Variants in SLC16A12 observed in about 807,000 individuals in gnomAD.
The protein encoded by SLC16A12 is solute carrier family 16 member 12, also known as monocarboxylate transporter 12.
A neutral mutation model predicts 42.4 loss-of-function variants in SLC16A12; 17 were observed. That is an observed-to-expected ratio of 0.40 (90% CI 0.27 to 0.60). The LOEUF (loss-of-function observed/expected upper bound fraction) is 0.60. SLC16A12 is among the 20% of genes least tolerant of loss of function. The pLI is 0.42. For missense variants in SLC16A12, 544 were observed against 623.0 expected (o/e 0.87, Z 1.35); for synonymous variants, 224 against 229.4 (o/e 0.98, Z 0.21).
chr10:89,539,913 T>C (rs140771896), upstream of SLC16A12, among the ~76,000 whole-genome samples: 19 of 40,546 alleles, frequency 4.7e-4, no homozygotes, highest in African/African-American at 1.2e-3. Context: ...TTCTTTCTTT[T>C]TTCTTTTTTT....
At chr10:89,519,268 T>C (rs1843309015) in intron 2 of SLC16A12, among the ~76,000 whole-genome samples, 1 of 135,062 alleles carries the variant, frequency 7.4e-6, no homozygotes, top group African/African-American at 2.6e-5. Flanking sequence ...ACGCATCGGG[T>C]ACTATCCTCA....
chr10:89,430,894 T>G lies in SLC16A12; in HGVS notation c.*2170A>C, dbSNP rs183698106. Reference sequence around the variant, plus strand: ...TAAGAATATTTGTAACTATTCATATTTTTAAACATCTTTAGGCTTGAAAAT... The same window carrying G: ...TAAGAATATTTGTAACTATTCATATGTTTAAACATCTTTAGGCTTGAAAAT... On this transcript the variant is annotated 3_prime_UTR_variant, in exon 8 of 8. Transcript: ENST00000371790. 8.7e-6 allele frequency: 3 copies of G among 345,358 alleles called. No homozygotes were observed. The highest frequency in any genetic ancestry group is 7.0e-5 in the South Asian group (3 of 42,812). 21.4% of individuals were successfully genotyped at this position (345,358 alleles called of 1,614,324 possible).
intron 2 of SLC16A12, among the ~76,000 whole-genome samples, chr10:89,522,199 G>T (rs116468571): frequency 1.3e-5 from 2 of 152,306 alleles, no homozygotes; most frequent in African/African-American, 4.8e-5. Flanking sequence ...GAAATCTAGA[G>T]TTGTATTGAG....
At chr10:89,504,344 A>G (rs776223165) in intron 2 of SLC16A12, among the ~76,000 whole-genome samples, 4 of 152,198 alleles carry the variant, frequency 2.6e-5, no homozygotes, top group Non-Finnish European at 4.4e-5. Context: ...GCCTTTCCTT[A>G]TTACCTGTTC....
chr10:89,489,415 C>T (rs1432735775), intron 2 of SLC16A12, among the ~76,000 whole-genome samples: 2 of 152,150 alleles, frequency 1.3e-5, no homozygotes, highest in Non-Finnish European at 2.9e-5. Flanking sequence ...TCTAGGCTCA[C>T]TGCAACCTCT....
At chr10:89,468,508 T>C (rs547162255) in intron 2 of SLC16A12, among the ~76,000 whole-genome samples, 26 of 152,342 alleles carry the variant, frequency 1.7e-4, no homozygotes, top group African/African-American at 6.0e-4. Flanking sequence ...TATTGGCGTT[T>C]CTGTCAACAA....
chr10:89,447,798 C>T (rs1459968450), intron 3 of SLC16A12, among the ~76,000 whole-genome samples: 1 of 151,910 alleles, frequency 6.6e-6, no homozygotes, highest in Non-Finnish European at 1.5e-5. Context: ...AAACCCCTTC[C>T]AAAAAATCAA....
chr10:89,469,057 A>G (rs1361439089), intron 2 of SLC16A12, among the ~76,000 whole-genome samples: 2 of 152,204 alleles, frequency 1.3e-5, no homozygotes, highest in Non-Finnish European at 2.9e-5. Flanking sequence ...TGAACCCAGA[A>G]GACAGAGGTT....
intron 2 of SLC16A12, among the ~76,000 whole-genome samples, chr10:89,466,728 G>A (rs890235998): frequency 2.0e-5 from 3 of 152,162 alleles, no homozygotes; most frequent in Non-Finnish European, 2.9e-5. Context: ...TTTCAGACAA[G>A]TCCTGCACTT....
At chr10:89,550,287 G>A (rs988252891) in intron 2 of SLC16A12, among the ~76,000 whole-genome samples, 3 of 152,146 alleles carry the variant, frequency 2.0e-5, no homozygotes, top group East Asian at 3.9e-4. Flanking sequence ...TTGCGGGGCC[G>A]AGGCAGGAGG....
At chr10:89,541,205 C>T (rs1589737515) in intron 2 of SLC16A12, among the ~76,000 whole-genome samples, 5 of 151,928 alleles carry the variant, frequency 3.3e-5, no homozygotes, top group Admixed American at 2.6e-4. Flanking sequence ...GGATTACAGG[C>T]GTGAGCCACC....
intron 2 of SLC16A12, among the ~76,000 whole-genome samples, chr10:89,553,233 T>C (rs1270853187): frequency 1.3e-5 from 2 of 152,262 alleles, no homozygotes; most frequent in Non-Finnish European, 2.9e-5. Flanking sequence ...GGTGTTACCC[T>C]GCAGCTGTTT....
rs528040926 is a variant in SLC16A12 at position 89,430,655 on chromosome 10, C to T, written c.*2409G>A. ...AGTAGACCTTAAGATGTACATTTTT[C>T]TTACTGATTTTCTAAAAATGCTGCC... On this transcript the variant is annotated 3_prime_UTR_variant, in exon 8 of 8. Coordinates refer to ENST00000371790, the MANE Select transcript of SLC16A12 (RefSeq NM_213606.4). The T allele has an allele frequency of 9.4e-5, 44 of 466,054 alleles. No individual in the cohort carries two copies. Among genetic ancestry groups the T allele is most frequent in the South Asian group, 7.0e-4 (44 of 62,858 alleles). The allele number at this position is 466,054 out of a possible 1,614,324, so 28.9% of individuals were successfully genotyped here.
rs1005847533 is a variant in SLC16A12 at position 89,533,940 on chromosome 10, T to C, written c.-47+561A>G. Among the ~76,000 whole-genome samples the C allele has an allele frequency of 2.6e-5, 4 of 152,204 alleles. 1 individual carries two copies. The highest frequency in any genetic ancestry group is 4.1e-4 in the South Asian group (2 of 4,834). On this transcript the variant is annotated intron_variant, in intron 2 of 7. Transcript: ENST00000371790. ...CTAGAGGCAATATGCCTTGGAAAAC[T>C]GAGTTAGGTGGGAATGAGAAGATCT...
chr10:89,450,060 A>C (rs991550259), intron 3 of SLC16A12, among the ~76,000 whole-genome samples: 4 of 152,244 alleles, frequency 2.6e-5, no homozygotes, highest in African/African-American at 9.6e-5. Flanking sequence ...CCACAATGAG[A>C]TACCATCTCA....
chr10:89,514,799 C>G (rs372325982), intron 2 of SLC16A12, among the ~76,000 whole-genome samples: 1 of 152,090 alleles, frequency 6.6e-6, no homozygotes, highest in Non-Finnish European at 1.5e-5. Flanking sequence ...TGAAAAGGAG[C>G]GGGCCGGGTG....
intron 2 of SLC16A12, among the ~76,000 whole-genome samples, chr10:89,472,106 G>A (rs937725195): frequency 2.8e-4 from 43 of 152,222 alleles, no homozygotes; most frequent in African/African-American, 1.0e-3. Context: ...ATTTTGAAGA[G>A]CAGAAGCCAT....
intron 3 of SLC16A12, among the ~76,000 whole-genome samples, chr10:89,453,820 G>T (rs11597846): frequency 0.13 from 19,721 of 152,046 alleles, 1,705 homozygotes; most frequent in Non-Finnish European, 0.19. Context: ...ATTATTTGTT[G>T]TGGGGGGCTT....
At chr10:89,515,078 C>G (rs1049906611) in intron 2 of SLC16A12, among the ~76,000 whole-genome samples, 3 of 149,626 alleles carry the variant, frequency 2.0e-5, no homozygotes. Context: ...GGCAACAGAG[C>G]AAGACTTCAT....
Sources: gnomAD v4.1 joint callset for allele counts (sites outside exome capture counted in the v4.1 genomes callset) on GRCh38, gnomAD v4.1.1 for gene constraint, MANE v1.5 for transcripts, NCBI Gene and HGNC (gene_info 2026-07-23, HGNC 2026-07-21) for gene names.